EDIL3: variants seen among roughly 807,000 people sequenced by gnomAD.
The protein encoded by EDIL3 is EGF like and discoidin domains 3.
In EDIL3, 37 loss-of-function variants were observed where a neutral mutation model predicts 67.4. The observed-to-expected ratio is 0.55, with a 90% CI of 0.42 to 0.72. EDIL3 has a LOEUF of 0.72. EDIL3 is among the 30% of genes least tolerant of loss of function. The probability of loss-of-function intolerance (pLI) is 0.00; values close to 1 mark genes in which losing one functional copy is unlikely to be tolerated. For missense variants in EDIL3, 527 were observed against 586.3 expected (o/e 0.90, Z 1.04); for synonymous variants, 195 against 196.3 (o/e 0.99, Z 0.05).
chr5:84,147,127 C>A (rs1461983464), intron 4 of EDIL3, among the ~76,000 whole-genome samples: 2 of 151,772 alleles, frequency 1.3e-5, no homozygotes, highest in Non-Finnish European at 2.9e-5. Flanking sequence ...TATTTATTCC[C>A]AAAGAGTTTA....
At chr5:84,254,264 T>G in intron 1 of EDIL3, 52 bp from the exon 2 acceptor site, 2 of 1,558,836 alleles carry the variant, frequency 1.3e-6, no homozygotes, top group East Asian at 2.3e-5. Context: ...TCTTGGACAT[T>G]GAAACATACT....
chr5:84,349,460 G>A (rs1187483402), intron 1 of EDIL3, among the ~76,000 whole-genome samples: 1 of 152,112 alleles, frequency 6.6e-6, no homozygotes, highest in East Asian at 1.9e-4. Context: ...AGTAGGACAC[G>A]ATTCATTATT....
At chr5:83,971,613 T>C (rs1447420727) in intron 9 of EDIL3, among the ~76,000 whole-genome samples, 2 of 152,060 alleles carry the variant, frequency 1.3e-5, no homozygotes, top group African/African-American at 4.8e-5. Flanking sequence ...TTTCATACAT[T>C]TAGAAAAATC....
chr5:84,174,769 G>A (rs1748873070), intron 4 of EDIL3, among the ~76,000 whole-genome samples: 1 of 152,144 alleles, frequency 6.6e-6, no homozygotes, highest in Non-Finnish European at 1.5e-5. Flanking sequence ...GCATGTACAG[G>A]ATCAACTCCC....
chr5:84,174,061 C>T lies in EDIL3; in HGVS notation c.355+6332G>A, dbSNP rs549109137. Among the ~76,000 whole-genome samples the T allele has an allele frequency of 2.6e-5, 4 of 152,230 alleles. No individual in the cohort carries two copies. The East Asian group carries it at 7.7e-4, about 29-fold the overall frequency. ...CAAAGGAAAGGAGACAGATGAGGGG[C>T]CCATCAGGGTGGCCTGCTGAAGACA... On this transcript the variant is annotated intron_variant, in intron 4 of 10. Coordinates refer to ENST00000296591, the MANE Select transcript of EDIL3 (RefSeq NM_005711.5).
At chr5:84,109,573 T>C (rs1410669528) in intron 5 of EDIL3, among the ~76,000 whole-genome samples, 7 of 152,134 alleles carry the variant, frequency 4.6e-5, no homozygotes, top group Non-Finnish European at 8.8e-5. Context: ...TATATTGACA[T>C]GATATATTAT....
chr5:84,018,655 C>T (rs959376465), intron 9 of EDIL3, among the ~76,000 whole-genome samples: 3 of 152,118 alleles, frequency 2.0e-5, no homozygotes, highest in Non-Finnish European at 2.9e-5. Flanking sequence ...TTTCCCTTTT[C>T]AAGTAACTGA....
At chr5:84,356,781 A>G (rs1370648825) in intron 1 of EDIL3, among the ~76,000 whole-genome samples, 2 of 152,028 alleles carry the variant, frequency 1.3e-5, no homozygotes, top group Non-Finnish European at 2.9e-5. Context: ...TCTTAGGTCT[A>G]ACAAACCATA....
chr5:84,291,892 T>C (rs1745932475), intron 1 of EDIL3, among the ~76,000 whole-genome samples: 2 of 151,116 alleles, frequency 1.3e-5, no homozygotes, highest in South Asian at 4.1e-4. Flanking sequence ...AACAAAAGTA[T>C]AGCAGACAAT....
chr5:84,373,613 A>T (rs1470896893), intron 1 of EDIL3, among the ~76,000 whole-genome samples: 1 of 152,200 alleles, frequency 6.6e-6, no homozygotes, highest in African/African-American at 2.4e-5. Context: ...ACAATGGTGA[A>T]ATCATCCAGA....
At chr5:84,260,336 C>G (rs924010980) in intron 1 of EDIL3, among the ~76,000 whole-genome samples, 4 of 152,134 alleles carry the variant, frequency 2.6e-5, no homozygotes, top group Admixed American at 6.6e-5. Context: ...GCACAGGGAA[C>G]AGGAAGTGGT....
intron 3 of EDIL3, among the ~76,000 whole-genome samples, chr5:84,208,162 A>G (rs1294669282): frequency 6.6e-6 from 1 of 152,184 alleles, no homozygotes; most frequent in African/African-American, 2.4e-5. Context: ...ACAGAGGGCT[A>G]ATATCCAGAA....
chr5:84,242,793 T>TAAAAAAAA (rs373595978), intron 2 of EDIL3, among the ~76,000 whole-genome samples: 1 of 120,856 alleles, frequency 8.3e-6, no homozygotes, highest in Non-Finnish European at 1.6e-5. Flanking sequence ...GACCCTATCT[T>TAAAAAAAA]AAAAAAAAAA....
intron 9 of EDIL3, among the ~76,000 whole-genome samples, chr5:84,058,215 A>G (rs761565131): frequency 6.6e-6 from 1 of 152,112 alleles, no homozygotes; most frequent in African/African-American, 2.4e-5. Context: ...GAGTAGGGTA[A>G]GAAACGAACT....
At chr5:83,945,885 T>C (rs1744300111) in intron 10 of EDIL3, among the ~76,000 whole-genome samples, 1 of 151,922 alleles carries the variant, frequency 6.6e-6, no homozygotes, top group Admixed American at 6.6e-5. Flanking sequence ...GAAAATATAT[T>C]TTTATTTTCA....
At chr5:84,114,646 T>C (rs1325378071) in intron 5 of EDIL3, among the ~76,000 whole-genome samples, 1 of 152,204 alleles carries the variant, frequency 6.6e-6, no homozygotes, top group Non-Finnish European at 1.5e-5. Flanking sequence ...AAATCCTTAA[T>C]ACTGTTTTCA....
chr5:84,035,280 T>C (rs529376466), intron 9 of EDIL3, among the ~76,000 whole-genome samples: 2 of 152,308 alleles, frequency 1.3e-5, no homozygotes, highest in East Asian at 3.9e-4. Flanking sequence ...AAGATCCTGC[T>C]GATTAATTCA....
rs190949858 is a variant in EDIL3 at position 83,986,945 on chromosome 5, G to A, written c.1138-23585C>T. Among the ~76,000 whole-genome samples the A allele has an allele frequency of 1.4e-3, 218 of 152,198 alleles. 2 individuals carry two copies. Among genetic ancestry groups the A allele is most frequent in the African/African-American group, 5.0e-3 (208 of 41,546 alleles). ...GGAATGGAAGGTTTGAGTGAATTTG[G>A]GAAGGGACTTTCTTAGTAACGAGCC... On this transcript the variant is annotated intron_variant, in intron 9 of 10. Coordinates refer to ENST00000296591, the MANE Select transcript of EDIL3 (RefSeq NM_005711.5).
At chr5:84,114,148 G>GTTTTTTTTTTTTTTTT (rs918208407) in intron 5 of EDIL3, among the ~76,000 whole-genome samples, 1 of 109,840 alleles carries the variant, frequency 9.1e-6, no homozygotes. Flanking sequence ...GAACCCTAAA[G>GTTTTTTTTTTTTTTTT]TTTTTTTTTT....
Sources: gnomAD v4.1 joint callset for allele counts (sites outside exome capture counted in the v4.1 genomes callset) on GRCh38, gnomAD v4.1.1 for gene constraint, MANE v1.5 for transcripts, NCBI Gene and HGNC (gene_info 2026-07-23, HGNC 2026-07-21) for gene names.